The following VPS53 variants were observed in gnomAD, a reference collection of about 807,000 sequenced individuals.
VPS53 encodes the protein vacuolar protein sorting-associated protein 53 homolog.
A neutral mutation model predicts 107.0 loss-of-function variants in VPS53; 70 were observed. That is an observed-to-expected ratio of 0.65 (90% CI 0.54 to 0.80). VPS53 has a LOEUF of 0.80. Among genes scored for constraint, VPS53 ranks in the 30% least tolerant of loss-of-function variants. The probability of loss-of-function intolerance (pLI) is 0.00; values close to 1 mark genes in which losing one functional copy is unlikely to be tolerated. For missense variants in VPS53, 917 were observed against 1,049.4 expected (o/e 0.87, Z 1.74); for synonymous variants, 409 against 393.3 (o/e 1.04, Z -0.47).
In VPS53 at chr17:509,915, C is replaced by T. The variant is rs111935418; in HGVS notation, c.*9213G>A. On this transcript the variant is annotated 3_prime_UTR_variant, in exon 22 of 22. Coordinates refer to ENST00000437048, the MANE Select transcript of VPS53 (RefSeq NM_001128159.3). ...TATCAAATCCTGGCTCGCCCCTCAC[C>T]AGTCACATATCAAATCCTGGCTCGC... 55 of 122,442 alleles carry T rather than the reference C, an allele frequency of 4.5e-4. No individual in the cohort carries two copies. Among genetic ancestry groups the T allele is most frequent in the Middle Eastern group, 6.3e-3 (1 of 158 alleles). The allele number at this position is 122,442 out of a possible 1,614,324, so 7.6% of individuals were successfully genotyped here.
intron 11 of VPS53, among the ~76,000 whole-genome samples, chr17:611,354 T>G (rs1165574312): frequency 6.6e-6 from 1 of 152,160 alleles, no homozygotes; most frequent in African/African-American, 2.4e-5. Flanking sequence ...ATGTCACTAG[T>G]CAATGGGAAA....
intron 13 of VPS53, among the ~76,000 whole-genome samples, chr17:570,661 CTATT>C (rs1913955554): frequency 6.6e-6 from 1 of 152,144 alleles, no homozygotes; most frequent in Non-Finnish European, 1.5e-5. Context: ...GATCCTAGAG[CTATT>C]TAAACAAACA....
At chr17:705,178 G>T (rs1000427397) in intron 2 of VPS53, among the ~76,000 whole-genome samples, 2 of 152,052 alleles carry the variant, frequency 1.3e-5, no homozygotes, top group Non-Finnish European at 2.9e-5. Context: ...GCCCACTCCA[G>T]CCCTACCTGC....
chr17:562,009 AAC>A (rs1913049626), intron 14 of VPS53, among the ~76,000 whole-genome samples: 1 of 152,166 alleles, frequency 6.6e-6, no homozygotes, highest in South Asian at 2.1e-4. Flanking sequence ...CCGCATCTGA[AAC>A]ATTAGGCTCT....
At chr17:593,752 G>A (rs1419440370) in intron 12 of VPS53, among the ~76,000 whole-genome samples, 1 of 152,190 alleles carries the variant, frequency 6.6e-6, no homozygotes, top group African/African-American at 2.4e-5. Flanking sequence ...TCAGTGTGGC[G>A]ATTCCTCAGG....
At chr17:549,213 T>C (rs1318772326) in intron 17 of VPS53, among the ~76,000 whole-genome samples, 1 of 152,178 alleles carries the variant, frequency 6.6e-6, no homozygotes, top group Non-Finnish European at 1.5e-5. Flanking sequence ...ATCACAAAAG[T>C]TTTTTTAAAT....
intron 6 of VPS53, among the ~76,000 whole-genome samples, chr17:655,058 C>A (rs976678463): frequency 1.3e-5 from 2 of 152,186 alleles, no homozygotes; most frequent in Admixed American, 6.5e-5. Flanking sequence ...CCACTTCCCC[C>A]ACCCAGGACT....
intron 4 of VPS53, among the ~76,000 whole-genome samples, chr17:690,409 A>C (rs182637871): frequency 7.4e-4 from 113 of 152,374 alleles, no homozygotes; most frequent in African/African-American, 2.6e-3. Flanking sequence ...ATAGTTAAAA[A>C]TTGTGAGAGT....
intron 7 of VPS53, among the ~76,000 whole-genome samples, chr17:649,822 A>T (rs959551432): frequency 6.6e-6 from 1 of 152,282 alleles, no homozygotes; most frequent in African/African-American, 2.4e-5. Flanking sequence ...CATAATTTCT[A>T]TTCCGTGGGA....
At chr17:530,143 C>CTTTTT (rs35030075) in intron 19 of VPS53, among the ~76,000 whole-genome samples, 6 of 127,286 alleles carry the variant, frequency 4.7e-5, no homozygotes, top group Non-Finnish European at 6.6e-5. Flanking sequence ...AATTTATATT[C>CTTTTT]TTTTTTTTTT....
At chr17:713,867 C>T (rs1002785304) in intron 1 of VPS53, among the ~76,000 whole-genome samples, 56 of 141,916 alleles carry the variant, frequency 3.9e-4, no homozygotes, top group Non-Finnish European at 7.0e-4. Context: ...CGGTGAAACC[C>T]CCGTCTTTAC....
chr17:653,569 A>G (rs1971050087), intron 6 of VPS53, among the ~76,000 whole-genome samples, 159 bp from the exon 7 acceptor site: 1 of 152,226 alleles, frequency 6.6e-6, no homozygotes, highest in Non-Finnish European at 1.5e-5. Flanking sequence ...GTGGGAGGAA[A>G]AAACAGGATC....
In VPS53 at chr17:669,534, A is replaced by G. The variant is rs2143683833; in HGVS notation, c.286-7639T>C. 2.0e-5 allele frequency among the ~76,000 whole-genome samples: 3 copies of G among 149,444 alleles called. No individual in the cohort carries two copies. In the Middle Eastern group the frequency reaches 0.011, roughly 526 times the overall value. On this transcript the variant is annotated intron_variant, in intron 4 of 21. Transcript: ENST00000437048. ...CTTGAGCCCAGGAGGCGGAGGCTGCAGTGAGCCAAGATTGCGCCACTGCAC... is the reference window on the plus strand; with the variant it reads ...CTTGAGCCCAGGAGGCGGAGGCTGCGGTGAGCCAAGATTGCGCCACTGCAC...
intron 12 of VPS53, among the ~76,000 whole-genome samples, 182 bp from the exon 13 acceptor site, chr17:586,546 C>A (rs1353735163): frequency 6.6e-6 from 1 of 152,204 alleles, no homozygotes; most frequent in South Asian, 2.1e-4. Context: ...GCTTTGTTAG[C>A]ATAACTCACT....
intron 5 of VPS53, among the ~76,000 whole-genome samples, chr17:656,445 T>C (rs986156593): frequency 6.6e-6 from 1 of 152,210 alleles, no homozygotes; most frequent in Non-Finnish European, 1.5e-5. Flanking sequence ...ATATAAGCTC[T>C]GTAACATACG....
chr17:572,984 T>G (rs1204610660), intron 13 of VPS53, among the ~76,000 whole-genome samples: 1 of 151,852 alleles, frequency 6.6e-6, no homozygotes, highest in Non-Finnish European at 1.5e-5. Context: ...CCTATGACCC[T>G]GCCAAATCCC....
rs1475522655 is a variant in VPS53 at position 605,595 on chromosome 17, C to G, written c.1117-3699G>C. 6.1e-3 allele frequency among the ~76,000 whole-genome samples: 369 copies of G among 60,944 alleles called. 10 individuals carry two copies. Among genetic ancestry groups the G allele is most frequent in the Non-Finnish European group, 7.9e-3 (245 of 31,182 alleles). The allele number at this position is 60,944 out of a possible 152,430, so 40.0% of individuals were successfully genotyped here. A position where few individuals can be genotyped will look rare whatever the true frequency, so the allele number is the denominator to read the frequency against. On this transcript the variant is annotated intron_variant, in intron 11 of 21. Transcript: ENST00000437048. ...CATATTGGTGAGTCAGGGACGGAAACAAAGATGGGGGCCTGGGGTAAGAGG... is the reference window on the plus strand; with the variant it reads ...CATATTGGTGAGTCAGGGACGGAAAGAAAGATGGGGGCCTGGGGTAAGAGG...
At chr17:652,800 A>G (rs1971008043) in intron 7 of VPS53, among the ~76,000 whole-genome samples, 1 of 152,236 alleles carries the variant, frequency 6.6e-6, no homozygotes. Context: ...TTCTCTCACA[A>G]ATGGGGACAA....
intron 12 of VPS53, chr17:600,831 A>G (rs1968292384): frequency 6.6e-6 from 1 of 152,266 alleles, no homozygotes; most frequent in Admixed American, 6.5e-5. Flanking sequence ...CGATAACATA[A>G]AGCATGTAAA....
Sources: gnomAD v4.1 joint callset for allele counts (sites outside exome capture counted in the v4.1 genomes callset) on GRCh38, gnomAD v4.1.1 for gene constraint, MANE v1.5 for transcripts, NCBI Gene and HGNC (gene_info 2026-07-23, HGNC 2026-07-21) for gene names.